Variants in ESF1 observed in about 807,000 individuals in gnomAD.
The protein encoded by ESF1 is ESF1 homolog.
In ESF1, 58 loss-of-function variants were observed where a neutral mutation model predicts 92.0. That is an observed-to-expected ratio of 0.63 (90% CI 0.51 to 0.78). The LOEUF (loss-of-function observed/expected upper bound fraction) is 0.78, where lower values mean the gene tolerates loss of function less well. Among genes scored for constraint, ESF1 ranks in the 30% least tolerant of loss-of-function variants. ESF1 has a pLI of 0.00. For synonymous variants in ESF1, 321 were observed against 313.7 expected (o/e 1.02, Z -0.24); for missense variants, 922 against 989.1 (o/e 0.93, Z 0.91).
rs5840576 is a variant in ESF1, at chr20:13,771,912, CTTT to C, written c.1251-432_1251-430del. 1.0e-2 allele frequency among the ~76,000 whole-genome samples: 1,285 copies of C among 128,714 alleles called. 29 individuals carry two copies. Among genetic ancestry groups the C allele is most frequent in the African/African-American group, 0.033 (1,176 of 35,248 alleles). 84.4% of individuals were successfully genotyped at this position (128,714 alleles called of 152,430 possible). A position where few individuals can be genotyped will look rare whatever the true frequency, so the allele number is the denominator to read the frequency against. Reference sequence around the variant, plus strand: ...TGATTTTGCTTAACTACAACACATTCTTTTTTTTTTTTTTTTTTTTAAGGTTCC... The same window carrying C: ...TGATTTTGCTTAACTACAACACATTCTTTTTTTTTTTTTTTTTAAGGTTCC... On this transcript the variant is annotated intron_variant, in intron 5 of 13. Coordinates refer to ENST00000617257, the MANE Select transcript of ESF1 (RefSeq NM_001276380.2).
chr20:13,779,399 TTTTC>T (rs1980083328), intron 2 of ESF1, among the ~76,000 whole-genome samples: 1 of 152,220 alleles, frequency 6.6e-6, no homozygotes, highest in African/African-American at 2.4e-5. Context: ...CCTAAATTTC[TTTTC>T]TTTAATTTAA....
intron 8 of ESF1, among the ~76,000 whole-genome samples, chr20:13,764,411 A>C (rs1979337112): frequency 6.6e-6 from 1 of 152,202 alleles, no homozygotes; most frequent in Admixed American, 6.5e-5. Flanking sequence ...TTATGTCTAC[A>C]AAGTGAGCTA....
intron 9 of ESF1, among the ~76,000 whole-genome samples, chr20:13,748,587 TATA>T (rs1568718485): frequency 6.7e-5 from 4 of 59,750 alleles, no homozygotes; most frequent in Non-Finnish European, 6.3e-5. Flanking sequence ...TATATATATA[TATA>T]TATTTTTTTT....
At position 13,782,844 on chromosome 20, in the gene ESF1, G is replaced by C. The variant is rs766930772; in HGVS notation, c.297C>G (p.Thr99=). 3.7e-6 allele frequency: 6 copies of C among 1,601,768 alleles called. No individual in the cohort carries two copies. Among genetic ancestry groups the C allele is most frequent in the African/African-American group, 1.4e-5 (1 of 73,598 alleles). ...LSQKKIKKKK[T]QTKKEIDSKN... ...TTGAATCGATTTCTTTTTTAGTCTGGGTTTTTTTCTTCTTTATTTTCTTTT... is the reference window on the plus strand; with the variant it reads ...TTGAATCGATTTCTTTTTTAGTCTGCGTTTTTTTCTTCTTTATTTTCTTTT... Residue 99 remains threonine, a synonymous_variant, in exon 2 of 14, where the codon ACC becomes ACG. Transcript: ENST00000617257.
At chr20:13,747,489 C>T (rs1188928696) in intron 9 of ESF1, among the ~76,000 whole-genome samples, 2 of 151,072 alleles carry the variant, frequency 1.3e-5, no homozygotes, top group Admixed American at 1.3e-4. Context: ...TGCTTGAACC[C>T]GGGAGGTGGA....
In ESF1 at chr20:13,715,180, A is replaced by C; in HGVS notation, c.2263-13T>G. On this transcript the variant is annotated splice_polypyrimidine_tract_variant and intron_variant, in intron 13 of 13. Transcript: ENST00000617257. ...CGTTAACATTTACCTGCAAATCCAA[A>C]AAAAAAAAAAATTAATAAATTAATT... 6.9e-7 allele frequency: 1 copy of C among 1,457,716 alleles called. No individual in the cohort carries two copies. The highest frequency in any genetic ancestry group is 9.1e-7 in the Non-Finnish European group (1 of 1,094,318). The allele number at this position is 1,457,716 out of a possible 1,614,324, so 90.3% of individuals were successfully genotyped here. A position where few individuals can be genotyped will look rare whatever the true frequency, so the allele number is the denominator to read the frequency against.
At position 13,733,693 on chromosome 20, in the gene ESF1, A is replaced by G. The variant is rs778296675; in HGVS notation, c.1950+28T>C. 9 of 1,603,890 alleles carry G rather than the reference A, an allele frequency of 5.6e-6. No individual in the cohort carries two copies. In the East Asian group the frequency reaches 1.3e-4, roughly 24 times the overall value. The stretch of plus-strand genomic sequence containing the variant: ...TCTGATATATGGTTGGTATTCAACA[A>G]ACATTTGGTCATAATTATCAATGAT... On this transcript the variant is annotated intron_variant, in intron 10 of 13. Coordinates refer to ENST00000617257, the MANE Select transcript of ESF1 (RefSeq NM_001276380.2).
rs752391066 is a variant in ESF1 at position 13,771,481 on chromosome 20, G to A, written c.1253C>T (p.Thr418Met). The A allele has an allele frequency of 1.1e-5, 18 of 1,608,610 alleles. No homozygotes were observed. Among genetic ancestry groups the A allele is most frequent in the South Asian group, 5.5e-5 (5 of 90,154 alleles). ...ATAATCTCTCAATTTTTCTCTAGAC[G>A]TCCTAAAGTGGGAAAAACTTATTAA... is the stretch of plus-strand genomic sequence containing the variant. ...IPEDAPEKDWTSREKLRDYQF... is the reference protein window; with the variant it reads ...IPEDAPEKDWMSREKLRDYQF... The change falls in exon 6 of 14, where the codon ACG becomes ATG. Residue 418 changes from threonine to methionine, a missense_variant and splice_region_variant. Coordinates refer to ENST00000617257, the MANE Select transcript of ESF1 (RefSeq NM_001276380.2).
intron 2 of ESF1, among the ~76,000 whole-genome samples, chr20:13,780,921 T>C (rs1980155403): frequency 6.6e-6 from 1 of 152,194 alleles, no homozygotes; most frequent in East Asian, 1.9e-4. Context: ...AAGACCTTAT[T>C]ATCTAATCAA....
chr20:13,721,064 A>T (rs1165809556), intron 11 of ESF1, among the ~76,000 whole-genome samples: 3 of 152,214 alleles, frequency 2.0e-5, no homozygotes, highest in Non-Finnish European at 4.4e-5. Context: ...CAGAGGTTGC[A>T]GTGAGCAGAG....
intron 9 of ESF1, among the ~76,000 whole-genome samples, chr20:13,759,063 CCTCTTT>C (rs1979034295): frequency 6.6e-6 from 1 of 152,202 alleles, no homozygotes; most frequent in South Asian, 2.1e-4. Context: ...AATCTCTCTT[CCTCTTT>C]CTCTTTCAAA....
intron 9 of ESF1, among the ~76,000 whole-genome samples, chr20:13,751,225 C>T (rs1978619671): frequency 6.6e-6 from 1 of 152,142 alleles, no homozygotes; most frequent in Non-Finnish European, 1.5e-5. Flanking sequence ...GCTTACTAGC[C>T]AGACAGTTAG....
intron 11 of ESF1, 133 bp from the exon 12 acceptor site, chr20:13,719,117 A>G (rs568113672): frequency 2.0e-5 from 11 of 547,274 alleles, no homozygotes; most frequent in Admixed American, 4.0e-5. Flanking sequence ...TAAAAGAAAA[A>G]AACACGTTAC....
rs1979065100 is a variant in ESF1 at position 13,759,710 on chromosome 20, C to T, written c.1810G>A (p.Glu604Lys). 6.3e-7 allele frequency: 1 copy of T among 1,576,124 alleles called. No homozygotes were observed. Among genetic ancestry groups the T allele is most frequent in the South Asian group, 1.2e-5 (1 of 84,622 alleles). ...TTCTTACCTGGAACCCATTTAATTT[C>T]CATTTCCATATCATTTTCTTTGCCT... ...KKGKENDMEM[E>K]IKWVPGLKES... Residue 604 changes from glutamate (E) to lysine (K), a missense_variant, in exon 9 of 14, where the codon GAA becomes AAA. Glu to Lys is a moderately conservative substitution (Grantham distance 56, BLOSUM62 1). Transcript: ENST00000617257.
At chr20:13,761,734 C>G (rs1435235743) in intron 8 of ESF1, among the ~76,000 whole-genome samples, 1 of 152,170 alleles carries the variant, frequency 6.6e-6, no homozygotes, top group East Asian at 1.9e-4. Context: ...TTTCCTAGTT[C>G]TGCAAAAATA....
chr20:13,753,675 A>C (rs768799473), intron 9 of ESF1, among the ~76,000 whole-genome samples: 2 of 151,772 alleles, frequency 1.3e-5, no homozygotes, highest in Non-Finnish European at 2.9e-5. Context: ...ATGGTTCTAC[A>C]CTCTATCCCA....
chr20:13,764,389 G>A (rs977758148), intron 8 of ESF1, among the ~76,000 whole-genome samples: 4 of 152,112 alleles, frequency 2.6e-5, no homozygotes, highest in African/African-American at 7.2e-5. Flanking sequence ...AGGGAAAAAG[G>A]GTTTTGGGGC....
At chr20:13,715,500 T>C (rs2049818579) in intron 13 of ESF1, among the ~76,000 whole-genome samples, 1 of 152,130 alleles carries the variant, frequency 6.6e-6, no homozygotes, top group Non-Finnish European at 1.5e-5. Flanking sequence ...AGGCAGGGCT[T>C]TCCCATGCTT....
intron 9 of ESF1, among the ~76,000 whole-genome samples, chr20:13,751,853 G>A (rs549390743): frequency 6.6e-6 from 1 of 152,092 alleles, no homozygotes; most frequent in South Asian, 2.1e-4. Flanking sequence ...AAATTAGCTG[G>A]GCGTAGTGGC....
Sources: gnomAD v4.1 joint callset for allele counts (sites outside exome capture counted in the v4.1 genomes callset) on GRCh38, gnomAD v4.1.1 for gene constraint, MANE v1.5 for transcripts, NCBI Gene and HGNC (gene_info 2026-07-23, HGNC 2026-07-21) for gene names.